The following BTBD9 variants were observed in gnomAD, a reference collection of about 807,000 sequenced individuals.
The protein encoded by BTBD9 is BTB domain containing 9.
A neutral mutation model predicts 64.3 loss-of-function variants in BTBD9; 49 were observed. The ratio of observed to expected loss-of-function variants is 0.76; its 90% CI spans 0.61 to 0.97. BTBD9 has a LOEUF of 0.97. Among genes scored for constraint, BTBD9 ranks in the 50% least tolerant of loss-of-function variants. The pLI is 0.00. For missense variants in BTBD9, 598 were observed against 762.1 expected, an observed-to-expected ratio of 0.78 and a Z score of 2.53; for synonymous variants, 260 against 274.7, an observed-to-expected ratio of 0.95 and a Z score of 0.53.
intron 1 of BTBD9, among the ~76,000 whole-genome samples, chr6:38,631,638 GCCT>G (rs1018734795): frequency 1.3e-5 from 2 of 152,220 alleles, no homozygotes; most frequent in African/African-American, 4.8e-5. Context: ...AGGAACTGAG[GCCT>G]CCTGTCAACA....
At chr6:38,382,407 A>G (rs1199669455) in intron 6 of BTBD9, among the ~76,000 whole-genome samples, 1 of 152,078 alleles carries the variant, frequency 6.6e-6, no homozygotes, top group Non-Finnish European at 1.5e-5. Flanking sequence ...TAGCTTTTAC[A>G]GAACACATTT....
chr6:38,227,121 G>A (rs1343245156), intron 9 of BTBD9, among the ~76,000 whole-genome samples: 5 of 152,190 alleles, frequency 3.3e-5, no homozygotes, highest in African/African-American at 4.8e-5. Flanking sequence ...CCCTTAGTGC[G>A]AAGTCACTAG....
chr6:38,526,250 A>G (rs942310753), intron 6 of BTBD9, among the ~76,000 whole-genome samples: 2 of 152,254 alleles, frequency 1.3e-5, no homozygotes, highest in African/African-American at 4.8e-5. Flanking sequence ...CTGTTGCTTC[A>G]GAGGATGCAA....
intron 6 of BTBD9, among the ~76,000 whole-genome samples, chr6:38,358,984 G>A (rs1053388237): frequency 2.0e-5 from 3 of 151,372 alleles, no homozygotes; most frequent in African/African-American, 7.3e-5. Context: ...TGTTAGCCAG[G>A]ATGGTCTCGA....
chr6:38,620,134 A>ATG (rs1777934654), intron 1 of BTBD9, among the ~76,000 whole-genome samples: 1 of 152,214 alleles, frequency 6.6e-6, no homozygotes, highest in Non-Finnish European at 1.5e-5. Flanking sequence ...TAAAAGTTCA[A>ATG]GGGTTAGTAA....
In BTBD9 at chr6:38,587,964, C is replaced by T. The variant is rs986222125; in HGVS notation, c.814+4612G>A. On this transcript the variant is annotated intron_variant, in intron 4 of 10. Coordinates refer to ENST00000481247, the MANE Select transcript of BTBD9 (RefSeq NM_001099272.2). ...TGTTCAGGAACATCTGACAGCATTGCCGCCTCCTCCTCAGTAGCAGCTCAC... is the reference window on the plus strand; with the variant it reads ...TGTTCAGGAACATCTGACAGCATTGTCGCCTCCTCCTCAGTAGCAGCTCAC... The T allele has an allele frequency of 6.4e-5, 47 of 732,656 alleles. 1 individual carries two copies. Among genetic ancestry groups the T allele is most frequent in the Non-Finnish European group, 2.8e-5 (11 of 389,368 alleles). 45.4% of individuals were successfully genotyped at this position (732,656 alleles called of 1,614,324 possible). A position where few individuals can be genotyped will look rare whatever the true frequency, so the allele number is the denominator to read the frequency against.
At chr6:38,534,619 A>C (rs1773941009) in intron 6 of BTBD9, among the ~76,000 whole-genome samples, 1 of 152,126 alleles carries the variant, frequency 6.6e-6, no homozygotes, top group Non-Finnish European at 1.5e-5. Context: ...TGATACAAAA[A>C]TATACAACAA....
At chr6:38,301,224 T>C (rs1762389599) in intron 7 of BTBD9, among the ~76,000 whole-genome samples, 1 of 152,192 alleles carries the variant, frequency 6.6e-6, no homozygotes, top group Non-Finnish European at 1.5e-5. Context: ...TTGATCATGG[T>C]AGATAAGCTT....
chr6:38,427,205 C>T (rs1768205467), intron 6 of BTBD9, among the ~76,000 whole-genome samples: 1 of 151,378 alleles, frequency 6.6e-6, no homozygotes, highest in Non-Finnish European at 1.5e-5. Flanking sequence ...AAAGCTGATG[C>T]CATGCTGAGT....
At chr6:38,372,369 C>T (rs930961788) in intron 6 of BTBD9, among the ~76,000 whole-genome samples, 4 of 152,222 alleles carry the variant, frequency 2.6e-5, no homozygotes, top group South Asian at 2.1e-4. Flanking sequence ...TTTGTCACAT[C>T]CTCAGGCTAT....
rs150015110 is a variant in BTBD9, at chr6:38,594,218, G to A, written c.295C>T (p.Arg99Trp). 68 of 1,614,140 alleles carry A rather than the reference G, an allele frequency of 4.2e-5. No individual in the cohort carries two copies. The East Asian group carries it at 1.1e-3, about 26-fold the overall frequency. The part of the protein sequence containing the change: ...TMLLKYIYTG[R>W]ATLTDEKEEV... ...TCCTTCTCATCTGTCAGCGTTGCCC[G>A]CCCAGTGTAGATATATTTGAGTAGC... Residue 99 changes from arginine to tryptophan, a missense_variant, in exon 3 of 11, where the codon CGG (arginine) becomes TGG (tryptophan). Physicochemically the swap from Arg to Trp is moderately radical, Grantham distance 101. Transcript: ENST00000481247.
At chr6:38,503,152 C>T (rs936626382) in intron 6 of BTBD9, among the ~76,000 whole-genome samples, 2 of 152,128 alleles carry the variant, frequency 1.3e-5, no homozygotes, top group Admixed American at 1.3e-4. Flanking sequence ...TCTATTATTC[C>T]ATTCTCCACA....
At chr6:38,361,859 A>G (rs528932434) in intron 6 of BTBD9, among the ~76,000 whole-genome samples, 1 of 138,474 alleles carries the variant, frequency 7.2e-6, no homozygotes, top group South Asian at 2.6e-4. Context: ...ACAAAAAACA[A>G]CACCACAGGA....
chr6:38,194,230 C>T (rs899667957), intron 9 of BTBD9, among the ~76,000 whole-genome samples: 1 of 152,140 alleles, frequency 6.6e-6, no homozygotes, highest in Non-Finnish European at 1.5e-5. Flanking sequence ...ACTGACCACA[C>T]ACTCATGTCC....
intron 8 of BTBD9, among the ~76,000 whole-genome samples, chr6:38,257,348 C>A (rs916698917): frequency 6.6e-6 from 1 of 151,698 alleles, no homozygotes; most frequent in Non-Finnish European, 1.5e-5. Context: ...CAGGCATGCA[C>A]CACCATGCCT....
intron 8 of BTBD9, among the ~76,000 whole-genome samples, chr6:38,266,619 A>AAAGAAAGG (rs1326642551): frequency 4.8e-4 from 18 of 37,618 alleles, no homozygotes; most frequent in African/African-American, 2.4e-3. Context: ...AGAAAGAAAG[A>AAAGAAAGG]AAGAAAGAAA....
At chr6:38,205,723 A>C (rs920009536) in intron 9 of BTBD9, among the ~76,000 whole-genome samples, 4 of 151,552 alleles carry the variant, frequency 2.6e-5, no homozygotes, top group African/African-American at 9.7e-5. Flanking sequence ...TTCTTTACTA[A>C]AAATACAAAA....
At chr6:38,320,993 A>T (rs142517455) in intron 7 of BTBD9, among the ~76,000 whole-genome samples, 1 of 152,328 alleles carries the variant, frequency 6.6e-6, no homozygotes, top group East Asian at 1.9e-4. Context: ...CTTCTGATCG[A>T]TATTTGCTGG....
chr6:38,244,391 G>C (rs1053826533), intron 9 of BTBD9, among the ~76,000 whole-genome samples: 3 of 152,136 alleles, frequency 2.0e-5, no homozygotes, highest in Non-Finnish European at 4.4e-5. Context: ...GGTCTGTTCT[G>C]TTGAACAGAC....
Sources: allele counts gnomAD v4.1 joint callset (sites outside exome capture counted in the v4.1 genomes callset), GRCh38; gene constraint gnomAD v4.1.1; transcripts MANE v1.5; gene names NCBI Gene and HGNC (gene_info 2026-07-23, HGNC 2026-07-21).